STRN: variants seen among roughly 807,000 people sequenced by gnomAD.
The protein encoded by STRN is striatin, also known as protein phosphatase 2 regulatory subunit B'''alpha.
In STRN, 53 loss-of-function variants were observed where a neutral mutation model predicts 96.3. The observed-to-expected ratio is 0.55, with a 90% confidence interval of 0.44 to 0.69. STRN has a LOEUF of 0.69. STRN is among the 30% of genes least tolerant of loss of function. STRN has a pLI of 0.00. For missense variants in STRN, 987 were observed against 963.9 expected, an observed-to-expected ratio of 1.02 and a Z score of -0.32; for synonymous variants, 428 against 355.9, an observed-to-expected ratio of 1.20 and a Z score of -2.28.
chr2:36,937,659 G>T (rs1010135232), intron 1 of STRN, among the ~76,000 whole-genome samples: 4 of 150,388 alleles, frequency 2.7e-5, no homozygotes, highest in Non-Finnish European at 5.9e-5. Flanking sequence ...GGGCTACAGA[G>T]TGAAATCTTG....
At chr2:36,885,333 T>G (rs1284750988) in intron 8 of STRN, among the ~76,000 whole-genome samples, 1 of 152,166 alleles carries the variant, frequency 6.6e-6, no homozygotes, top group Non-Finnish European at 1.5e-5. Flanking sequence ...ATATCAACAT[T>G]AAGTTAATCT....
chr2:36,952,139 T>G (rs979278996), intron 1 of STRN, among the ~76,000 whole-genome samples: 1 of 152,128 alleles, frequency 6.6e-6, no homozygotes, highest in Non-Finnish European at 1.5e-5. Flanking sequence ...ATGTGAAGGG[T>G]GGGTAGGCCT....
At chr2:36,851,184 C>T in intron 15 of STRN, 77 bp from the exon 16 acceptor site, 2 of 1,317,486 alleles carry the variant, frequency 1.5e-6, no homozygotes, top group Non-Finnish European at 2.1e-6. Context: ...AATTATCTAT[C>T]TAAGAGACTG....
chr2:36,957,742 G>GTTTTTTTTTTTTTTTTTT (rs1158709835), intron 1 of STRN, among the ~76,000 whole-genome samples: 6 of 103,122 alleles, frequency 5.8e-5, no homozygotes, highest in Non-Finnish European at 9.7e-5. Flanking sequence ...TCTTCTTTTT[G>GTTTTTTTTTTTTTTTTTT]TCTTTTTTTT....
chr2:36,869,369 C>G lies in STRN; in HGVS notation c.1499+185G>C, dbSNP rs1004415919. On this transcript the variant is annotated intron_variant, in intron 11 of 17. Coordinates refer to ENST00000263918, the MANE Select transcript of STRN (RefSeq NM_003162.4). ...AACCAACAGATAATACCATATCTTC[C>G]TAAGCATCAGTTTTCTAACCTAGCA... Among the ~76,000 whole-genome samples the G allele has an allele frequency of 2.6e-5, 4 of 152,268 alleles. No homozygotes were observed. In the South Asian group the frequency reaches 6.2e-4, roughly 24 times the overall value.
intron 1 of STRN, among the ~76,000 whole-genome samples, chr2:36,944,543 T>A (rs193280947): frequency 1.2e-4 from 18 of 152,340 alleles, no homozygotes; most frequent in Non-Finnish European, 2.1e-4. Context: ...CAAATCCCAA[T>A]GACTTCATTT....
At position 36,878,023 on chromosome 2, in the gene STRN, T is replaced by A. The variant is rs1190625886; in HGVS notation, c.1191A>T (p.Glu397Asp). ...EHEINRADEV[E>D]ALTFPPSSGK... is the part of the protein sequence containing the mutation. ...CAGAAGAAGGAGGAAATGTCAATGC[T>A]TCCACTGAAGAGGGAAGACAAAGGA... Residue 397 changes from glutamate (E) to aspartate (D), a missense_variant, in exon 10 of 18, where the codon GAA becomes GAT. Transcript: ENST00000263918. 1 of 1,613,964 alleles carries A rather than the reference T, an allele frequency of 6.2e-7. No homozygotes were observed. The highest frequency in any genetic ancestry group is 1.7e-5 in the Admixed American group (1 of 60,006).
intron 1 of STRN, among the ~76,000 whole-genome samples, chr2:36,958,702 A>G (rs902486737): frequency 7.2e-5 from 11 of 152,222 alleles, no homozygotes; most frequent in African/African-American, 2.7e-4. Flanking sequence ...TCAAAAACCC[A>G]AAAGGAGAAG....
intron 1 of STRN, among the ~76,000 whole-genome samples, chr2:36,931,189 A>C (rs1294883411): frequency 1.3e-5 from 2 of 152,108 alleles, no homozygotes; most frequent in Non-Finnish European, 2.9e-5. Context: ...ACAGGCCTTC[A>C]AGCTGACAGA....
chr2:36,850,527 G>A (rs1668192925), intron 16 of STRN, among the ~76,000 whole-genome samples: 1 of 152,086 alleles, frequency 6.6e-6, no homozygotes. Flanking sequence ...ATGACCTGGA[G>A]GTTTTCCATC....
chr2:36,933,582 G>A (rs371755944), intron 1 of STRN, among the ~76,000 whole-genome samples: 1 of 152,330 alleles, frequency 6.6e-6, no homozygotes, highest in East Asian at 1.9e-4. Flanking sequence ...GAGGCCCAAT[G>A]TAGGGGCTAA....
At chr2:36,911,790 C>T (rs1299268457) in intron 3 of STRN, among the ~76,000 whole-genome samples, 2 of 152,176 alleles carry the variant, frequency 1.3e-5, no homozygotes, top group East Asian at 1.9e-4. Flanking sequence ...TCTGCATTCT[C>T]TTTTACTTTA....
At chr2:36,878,269 C>CCA (rs1420596298) in intron 9 of STRN, among the ~76,000 whole-genome samples, 1 of 152,158 alleles carries the variant, frequency 6.6e-6, no homozygotes, top group Non-Finnish European at 1.5e-5. Context: ...ATCTAAGAAT[C>CCA]CACTGTCCTT....
chr2:36,885,691 G>T (rs924836664), intron 8 of STRN, among the ~76,000 whole-genome samples: 8 of 152,060 alleles, frequency 5.3e-5, no homozygotes, highest in Admixed American at 1.3e-4. Context: ...AAGTAATAAA[G>T]TTTAAAAGAA....
chr2:36,891,574 A>C (rs1037422360), intron 7 of STRN, among the ~76,000 whole-genome samples: 1 of 152,212 alleles, frequency 6.6e-6, no homozygotes, highest in African/African-American at 2.4e-5. Flanking sequence ...CTGATAAGTA[A>C]GGCGGGGTTG....
At chr2:36,900,424 G>A (rs749774417) in intron 5 of STRN, among the ~76,000 whole-genome samples, 1 of 151,824 alleles carries the variant, frequency 6.6e-6, no homozygotes, top group Non-Finnish European at 1.5e-5. Context: ...TTGTATTTCT[G>A]CTTAACAGCT....
At chr2:36,908,484 A>G (rs1669878575) in intron 3 of STRN, among the ~76,000 whole-genome samples, 1 of 152,236 alleles carries the variant, frequency 6.6e-6, no homozygotes, top group African/African-American at 2.4e-5. Flanking sequence ...AAAAGGCAAA[A>G]CTACAGAAAT....
intron 10 of STRN, among the ~76,000 whole-genome samples, chr2:36,873,911 CCA>C (rs1668830476): frequency 6.9e-6 from 1 of 145,964 alleles, no homozygotes; most frequent in Non-Finnish European, 1.5e-5. Context: ...CCACTGCACT[CCA>C]GTCTGGCGAC....
chr2:36,928,741 A>C (rs983674629), intron 1 of STRN, among the ~76,000 whole-genome samples: 16 of 151,298 alleles, frequency 1.1e-4, no homozygotes, highest in Non-Finnish European at 2.1e-4. Context: ...TCAGGAGTTC[A>C]AGACCAGCCT....
Sources: gnomAD v4.1 joint callset for allele counts (sites outside exome capture counted in the v4.1 genomes callset) on GRCh38, gnomAD v4.1.1 for gene constraint, MANE v1.5 for transcripts, NCBI Gene and HGNC (gene_info 2026-07-23, HGNC 2026-07-21) for gene names.